Variants in SNX24 observed in about 807,000 individuals in gnomAD.
SNX24 encodes the protein sorting nexin 24.
In SNX24, 22 loss-of-function variants were observed where a neutral mutation model predicts 28.7. The ratio of observed to expected loss-of-function variants is 0.77; its 90% CI spans 0.55 to 1.10. The LOEUF is 1.10. Ranked by LOEUF, SNX24 falls within the 50% of genes least tolerant of loss-of-function variation. The pLI is 0.00. For missense variants in SNX24, 221 were observed against 201.1 expected, an observed-to-expected ratio of 1.10 and a Z score of -0.60; for synonymous variants, 69 against 71.5, an observed-to-expected ratio of 0.96 and a Z score of 0.18.
intron 1 of SNX24, among the ~76,000 whole-genome samples, chr5:122,850,230 A>G (rs1169817510): frequency 6.6e-6 from 1 of 152,204 alleles, no homozygotes; most frequent in African/African-American, 2.4e-5. Context: ...TCAAGGTGCT[A>G]GCAGATTCAG....
chr5:122,987,375 C>G (rs1761647514), intron 3 of SNX24, among the ~76,000 whole-genome samples: 1 of 152,192 alleles, frequency 6.6e-6, no homozygotes, highest in African/African-American at 2.4e-5. Context: ...ACCAAGCAAA[C>G]TGTTTTAACA....
chr5:122,910,385 A>G (rs1757827314), intron 1 of SNX24, among the ~76,000 whole-genome samples: 1 of 152,192 alleles, frequency 6.6e-6, no homozygotes, highest in Admixed American at 6.5e-5. Context: ...TTATTAGAAT[A>G]TAGGGAATAG....
At chr5:122,892,063 G>C (rs1403570481) in intron 1 of SNX24, among the ~76,000 whole-genome samples, 2 of 152,152 alleles carry the variant, frequency 1.3e-5, no homozygotes, top group Non-Finnish European at 1.5e-5. Context: ...TTAATTTTGA[G>C]AAATTAAAAT....
chr5:122,955,556 G>T (rs1380650082), intron 3 of SNX24, among the ~76,000 whole-genome samples: 1 of 152,166 alleles, frequency 6.6e-6, no homozygotes, highest in African/African-American at 2.4e-5. Flanking sequence ...GGGAAGATGG[G>T]ATGTGGAAGA....
At chr5:122,976,456 G>A (rs1326769883) in intron 3 of SNX24, among the ~76,000 whole-genome samples, 1 of 152,054 alleles carries the variant, frequency 6.6e-6, no homozygotes, top group East Asian at 1.9e-4. Flanking sequence ...TTTAGTAATT[G>A]TGCCATATTA....
At chr5:122,912,285 G>T (rs1390035917) in intron 1 of SNX24, among the ~76,000 whole-genome samples, 2 of 144,134 alleles carry the variant, frequency 1.4e-5, no homozygotes, top group Non-Finnish European at 3.0e-5. Flanking sequence ...TGTTATTGGT[G>T]TATAAGAATG....
intron 1 of SNX24, among the ~76,000 whole-genome samples, chr5:122,924,597 T>C (rs1758596387): frequency 6.6e-6 from 1 of 152,184 alleles, no homozygotes; most frequent in Non-Finnish European, 1.5e-5. Context: ...TGACCATGAA[T>C]AACTGAGATC....
chr5:122,958,373 C>T (rs1229181369), intron 3 of SNX24, among the ~76,000 whole-genome samples: 2 of 152,170 alleles, frequency 1.3e-5, no homozygotes, highest in African/African-American at 4.8e-5. Context: ...CCTGCCTCAG[C>T]CTCCCAAGTA....
chr5:122,853,572 G>A (rs1755037314), intron 1 of SNX24: 1 of 259,954 alleles, frequency 3.8e-6, no homozygotes, highest in Non-Finnish European at 8.1e-6. Flanking sequence ...AGAAATTTGG[G>A]GGCACAAGCA....
intron 1 of SNX24, among the ~76,000 whole-genome samples, chr5:122,909,019 T>G (rs1757767504): frequency 6.6e-6 from 1 of 152,194 alleles, no homozygotes. Context: ...TGTATCTTTT[T>G]TTTTCTTTTT....
At chr5:122,859,954 A>T (rs1755379645) in intron 1 of SNX24, among the ~76,000 whole-genome samples, 1 of 152,202 alleles carries the variant, frequency 6.6e-6, no homozygotes, top group Non-Finnish European at 1.5e-5. Flanking sequence ...TAAGATAAAG[A>T]TTGTAGAGAC....
intron 1 of SNX24, among the ~76,000 whole-genome samples, chr5:122,855,900 A>G (rs1349888523): frequency 1.3e-5 from 2 of 152,242 alleles, no homozygotes; most frequent in African/African-American, 2.4e-5. Flanking sequence ...GGAGAGAGAC[A>G]GGGAATTGCT....
chr5:122,889,697 GTGTATATATATGTATATATATA>G (rs1756875912), intron 1 of SNX24, among the ~76,000 whole-genome samples: 1 of 129,664 alleles, frequency 7.7e-6, no homozygotes, highest in African/African-American at 3.1e-5. Flanking sequence ...GTATATGTAT[GTGTATATATATGTATATATATA>G]TGTATGTGTA....
chr5:122,854,486 CAACA>C, intron 1 of SNX24, among the ~76,000 whole-genome samples: 1 of 131,378 alleles, frequency 7.6e-6, no homozygotes, highest in South Asian at 2.4e-4. Context: ...CCAGCCTGGG[CAACA>C]GAGCGAGACT....
rs996794140 is a variant in SNX24 at position 122,848,699 on chromosome 5, A to G, written c.60+3006A>G. Among the ~76,000 whole-genome samples the G allele has an allele frequency of 2.2e-5, 3 of 136,676 alleles. No individual in the cohort carries two copies. The Admixed American group carries it at 2.3e-4, about 10-fold the overall frequency. The allele number at this position is 136,676 out of a possible 152,430, so 89.7% of individuals were successfully genotyped here. A position where few individuals can be genotyped will look rare whatever the true frequency, so the allele number is the denominator to read the frequency against. On this transcript the variant is annotated intron_variant, in intron 1 of 6. Transcript: ENST00000261369. ...ACTCCAGTCTAGGTGACAGAGCAAC[A>G]CTCCATCTCAAAATAAAAAATAAAA...
chr5:122,865,306 T>C (rs1248847837), intron 1 of SNX24, among the ~76,000 whole-genome samples: 2 of 150,454 alleles, frequency 1.3e-5, no homozygotes, highest in Non-Finnish European at 2.9e-5. Context: ...AAGATTTGTT[T>C]GTTTGCTTGC....
chr5:122,883,173 A>G (rs1756556840), intron 1 of SNX24, among the ~76,000 whole-genome samples: 1 of 152,200 alleles, frequency 6.6e-6, no homozygotes, highest in Admixed American at 6.5e-5. Flanking sequence ...TTGAAATTAC[A>G]CGCAGAATCT....
intron 3 of SNX24, among the ~76,000 whole-genome samples, chr5:122,983,580 C>T (rs1292323166): frequency 1.3e-5 from 2 of 152,178 alleles, no homozygotes; most frequent in East Asian, 3.8e-4. Context: ...CAAAATCCTT[C>T]ACATATAACC....
At chr5:122,940,631 G>C (rs557070300) in intron 2 of SNX24, among the ~76,000 whole-genome samples, 21 of 152,220 alleles carry the variant, frequency 1.4e-4, no homozygotes, top group Non-Finnish European at 2.1e-4. Flanking sequence ...GAGTGCAGTG[G>C]TGCAATCTAA....
Sources: gnomAD v4.1 joint callset for allele counts (sites outside exome capture counted in the v4.1 genomes callset) on GRCh38, gnomAD v4.1.1 for gene constraint, MANE v1.5 for transcripts, NCBI Gene and HGNC (gene_info 2026-07-23, HGNC 2026-07-21) for gene names.